The following PCDH17 variants were observed in gnomAD, a reference collection of about 807,000 sequenced individuals.
PCDH17 encodes protocadherin 17.
PCDH17 carries 21 observed loss-of-function variants against 67.7 expected under a neutral mutation model. The observed-to-expected ratio is 0.31, with a 90% CI of 0.22 to 0.45. The LOEUF (loss-of-function observed/expected upper bound fraction) is 0.45, where lower values mean the gene tolerates loss of function less well. Ranked by LOEUF, PCDH17 falls within the 20% of genes least tolerant of loss-of-function variation. The pLI, the probability that PCDH17 is intolerant of heterozygous loss-of-function variation, is 1.00. For synonymous variants in PCDH17, 701 were observed against 656.7 expected (o/e 1.07, Z -1.03); for missense variants, 1,471 against 1,564.8 (o/e 0.94, Z 1.01).
At chr13:57,668,399 G>C (rs1214497987) in intron 3 of PCDH17, among the ~76,000 whole-genome samples, 1 of 151,994 alleles carries the variant, frequency 6.6e-6, no homozygotes, top group African/African-American at 2.4e-5. Context: ...GAGAAACTCT[G>C]TTAATTTTTT....
At chr13:57,681,621 A>G (rs1955451273) in intron 3 of PCDH17, among the ~76,000 whole-genome samples, 1 of 151,818 alleles carries the variant, frequency 6.6e-6, no homozygotes, top group African/African-American at 2.4e-5. Flanking sequence ...GCTCTGTGTT[A>G]ACACATTAAC....
intron 1 of PCDH17, among the ~76,000 whole-genome samples, chr13:57,648,848 T>G (rs1165498537): frequency 6.6e-6 from 1 of 152,036 alleles, no homozygotes; most frequent in African/African-American, 2.4e-5. Flanking sequence ...TTTTAAAATG[T>G]TGGGCACTCC....
chr13:57,723,459 T>G (rs1434122007), intron 3 of PCDH17, among the ~76,000 whole-genome samples: 1 of 152,218 alleles, frequency 6.6e-6, no homozygotes, highest in Admixed American at 6.5e-5. Context: ...ATATGTTTCA[T>G]GTGGACATCC....
intron 1 of PCDH17, among the ~76,000 whole-genome samples, chr13:57,651,636 G>T (rs1424042103): frequency 6.6e-6 from 1 of 151,844 alleles, no homozygotes; most frequent in Non-Finnish European, 1.5e-5. Flanking sequence ...CAATGCCTGG[G>T]ATTCTATTTT....
chr13:57,711,938 T>G (rs762247208), intron 3 of PCDH17, among the ~76,000 whole-genome samples: 3 of 151,480 alleles, frequency 2.0e-5, no homozygotes, highest in Non-Finnish European at 3.0e-5. Flanking sequence ...TATTTGGGAT[T>G]TTATGCAAAA....
chr13:57,706,007 C>T (rs956631048), intron 3 of PCDH17, among the ~76,000 whole-genome samples: 1 of 147,034 alleles, frequency 6.8e-6, no homozygotes, highest in African/African-American at 2.5e-5. Context: ...AGGAGAAAAA[C>T]TCAGTCTTAA....
intron 3 of PCDH17, among the ~76,000 whole-genome samples, chr13:57,708,179 TTG>T (rs1007430087): frequency 1.3e-5 from 2 of 152,026 alleles, no homozygotes; most frequent in African/African-American, 4.8e-5. Flanking sequence ...ACTACTGAGT[TTG>T]GATTATTATC....
intron 3 of PCDH17, among the ~76,000 whole-genome samples, chr13:57,703,800 G>T (rs1955690610): frequency 2.6e-5 from 4 of 151,976 alleles, no homozygotes; most frequent in Admixed American, 2.6e-4. Flanking sequence ...AACTAAACTA[G>T]GAATCTACTT....
At chr13:57,640,433 G>A (rs1344206645) in intron 1 of PCDH17, among the ~76,000 whole-genome samples, 1 of 151,978 alleles carries the variant, frequency 6.6e-6, no homozygotes, top group African/African-American at 2.4e-5. Flanking sequence ...GTGTATGTAA[G>A]TACTTGCTCA....
intron 1 of PCDH17, among the ~76,000 whole-genome samples, chr13:57,652,754 T>A (rs1955057516): frequency 6.6e-6 from 1 of 152,208 alleles, no homozygotes; most frequent in Admixed American, 6.5e-5. Context: ...CAGCTAGGAA[T>A]ACAGAACTAA....
At position 57,711,676 on chromosome 13, in the gene PCDH17, A is replaced by G. The variant is rs576263550; in HGVS notation, c.2798-12936A>G. Among the ~76,000 whole-genome samples, 6 of 151,782 alleles carry G rather than the reference A, an allele frequency of 4.0e-5. No homozygotes were observed. The East Asian group carries it at 9.7e-4, about 24-fold the overall frequency. ...ATAAAACTCTTCAATTTAGAATACA[A>G]TTGTTGAGGCTACTGAATGTAATTT... On this transcript the variant is annotated intron_variant, in intron 3 of 3. Transcript: ENST00000377918.
At chr13:57,692,941 C>T (rs1955572467) in intron 3 of PCDH17, among the ~76,000 whole-genome samples, 1 of 150,482 alleles carries the variant, frequency 6.6e-6, no homozygotes, top group Non-Finnish European at 1.5e-5. Context: ...TATTGTATGC[C>T]CATTTCTCTC....
chr13:57,717,867 A>G (rs995556784), intron 3 of PCDH17, among the ~76,000 whole-genome samples: 4 of 152,052 alleles, frequency 2.6e-5, no homozygotes, highest in Non-Finnish European at 5.9e-5. Flanking sequence ...TACTTGAGAT[A>G]TATTTTAAAT....
chr13:57,699,852 T>C (rs1955646140), intron 3 of PCDH17, among the ~76,000 whole-genome samples: 1 of 152,056 alleles, frequency 6.6e-6, no homozygotes, highest in South Asian at 2.1e-4. Context: ...AGGAAAAAAA[T>C]GTTAAAATTA....
rs5803842 is a variant in PCDH17 at position 57,725,300 on chromosome 13, GA to G, written c.*17del. 4.7e-3 allele frequency: 6,253 copies of G among 1,337,424 alleles called. 2 individuals are homozygous for G. The highest frequency in any genetic ancestry group is 8.7e-3 in the South Asian group (597 of 68,354). The allele number at this position is 1,337,424 out of a possible 1,614,324, so 82.8% of individuals were successfully genotyped here. On this transcript the variant is annotated 3_prime_UTR_variant, in exon 4 of 4. Transcript: ENST00000377918. ...CTGTGGCTGTGAGAAAGTGAAAAAAGAAAAAAAAAAAGGCATTGGCATTTTC... is the reference window on the plus strand; with the variant it reads ...CTGTGGCTGTGAGAAAGTGAAAAAAGAAAAAAAAAAGGCATTGGCATTTTC...
At chr13:57,721,564 T>C (rs950653110) in intron 3 of PCDH17, among the ~76,000 whole-genome samples, 26 of 152,282 alleles carry the variant, frequency 1.7e-4, no homozygotes, top group African/African-American at 6.3e-4. Context: ...TTATACACAC[T>C]TAACTTATTG....
chr13:57,677,235 T>G (rs1439724058), intron 3 of PCDH17, among the ~76,000 whole-genome samples: 1 of 151,816 alleles, frequency 6.6e-6, no homozygotes, highest in Non-Finnish European at 1.5e-5. Context: ...TGAAACCTAT[T>G]TTCAAAGAAT....
At chr13:57,691,307 T>C (rs1246068184) in intron 3 of PCDH17, among the ~76,000 whole-genome samples, 3 of 151,396 alleles carry the variant, frequency 2.0e-5, no homozygotes, top group Non-Finnish European at 4.4e-5. Context: ...AGGATGATCA[T>C]ATAATTTATT....
Position 57,722,646 on chromosome 13 carries a change from A to G in PCDH17, c.2798-1966A>G, listed in dbSNP as rs552665888. ...ACTTATTTATTTTGAGACAGGGTTT[A>G]ACTCTGTCACTCAGGCTGCAGTGAA... On this transcript the variant is annotated intron_variant, in intron 3 of 3. Coordinates refer to ENST00000377918, the MANE Select transcript of PCDH17 (RefSeq NM_001040429.3). 3.9e-5 allele frequency among the ~76,000 whole-genome samples: 6 copies of G among 152,262 alleles called. No homozygotes were observed. The South Asian group carries it at 1.2e-3, about 32-fold the overall frequency.
Sources: gnomAD v4.1 joint callset for allele counts (sites outside exome capture counted in the v4.1 genomes callset) on GRCh38, gnomAD v4.1.1 for gene constraint, MANE v1.5 for transcripts, NCBI Gene and HGNC (gene_info 2026-07-23, HGNC 2026-07-21) for gene names.